CYRIB: variants seen among roughly 807,000 people sequenced by gnomAD.
CYRIB encodes CYFIP-related Rac1 interactor B.
Under a neutral mutation model 44.2 loss-of-function variants are expected in CYRIB, and 8 were observed. That is an observed-to-expected ratio of 0.18 (90% confidence interval 0.11 to 0.33). The LOEUF is 0.33. Ranked by LOEUF, CYRIB falls within the 10% of genes least tolerant of loss-of-function variation. The pLI is 1.00. For missense variants in CYRIB, 185 were observed against 382.8 expected, an observed-to-expected ratio of 0.48 and a Z score of 4.31; for synonymous variants, 131 against 127.2, an observed-to-expected ratio of 1.03 and a Z score of -0.20.
At chr8:129,992,931 G>C (rs147763291) in intron 1 of CYRIB, among the ~76,000 whole-genome samples, 3 of 152,142 alleles carry the variant, frequency 2.0e-5, no homozygotes, top group Admixed American at 6.6e-5. Context: ...AGGAATACAC[G>C]GCAAGAAGGA....
intron 1 of CYRIB, among the ~76,000 whole-genome samples, chr8:129,971,268 T>C (rs2095679837): frequency 6.6e-6 from 1 of 152,186 alleles, no homozygotes; most frequent in African/African-American, 2.4e-5. Flanking sequence ...ATATTTTTTA[T>C]TTTTAGTAGA....
At position 129,897,666 on chromosome 8, in the gene CYRIB, G is replaced by A. The variant is rs114647609; in HGVS notation, c.-11+5646C>T. The stretch of plus-strand genomic sequence containing the variant: ...CTAGGTAGGGAGAGGCATGGTGGGC[G>A]GCTAATGCCTATAATCCCAGCAGTT... On this transcript the variant is annotated intron_variant, in intron 2 of 11. Coordinates refer to ENST00000519824, the Ensembl canonical transcript of CYRIB. Among the ~76,000 whole-genome samples, 1,229 of 151,206 alleles carry A rather than the reference G, an allele frequency of 8.1e-3. 19 individuals are homozygous for A. Among genetic ancestry groups the A allele is most frequent in the African/African-American group, 0.029 (1,184 of 41,170 alleles).
intron 1 of CYRIB, among the ~76,000 whole-genome samples, chr8:129,937,966 C>T (rs559107389): frequency 2.0e-5 from 3 of 152,072 alleles, no homozygotes; most frequent in Non-Finnish European, 4.4e-5. Context: ...GACAAACAGC[C>T]AAGTACCTTT....
At chr8:129,995,391 A>C (rs1165370340) in intron 1 of CYRIB, among the ~76,000 whole-genome samples, 1 of 152,190 alleles carries the variant, frequency 6.6e-6, no homozygotes, top group African/African-American at 2.4e-5. Context: ...AAAACATCTA[A>C]AGTAGTAGCA....
chr8:129,867,594 ATTAT>A (rs944092985), intron 4 of CYRIB, among the ~76,000 whole-genome samples: 12 of 151,692 alleles, frequency 7.9e-5, no homozygotes, highest in Admixed American at 2.6e-4. Context: ...TGTTTAAAAA[ATTAT>A]TTAAAGTAAA....
chr8:130,002,024 C>T (rs946536910), intron 1 of CYRIB, among the ~76,000 whole-genome samples: 1 of 152,184 alleles, frequency 6.6e-6, no homozygotes, highest in Non-Finnish European at 1.5e-5. Context: ...TTTAATCAGG[C>T]CTGTCCGTAT....
At chr8:129,903,404 A>G (rs550994184) in intron 1 of CYRIB, 54 bp from the exon 4 acceptor site, 1 of 152,792 alleles carries the variant, frequency 6.5e-6, no homozygotes, top group African/African-American at 2.4e-5. Flanking sequence ...TATACTTTAA[A>G]ACAAGTTTTT....
intron 4 of CYRIB, chr8:129,864,341 A>G (rs1045276905): frequency 1.3e-5 from 2 of 152,178 alleles, no homozygotes; most frequent in African/African-American, 2.4e-5. Flanking sequence ...GATATAGATG[A>G]AAAAAAATCC....
chr8:129,913,335 C>G (rs1238382166), intron 1 of CYRIB, among the ~76,000 whole-genome samples: 2 of 152,304 alleles, frequency 1.3e-5, no homozygotes, highest in East Asian at 3.9e-4. Flanking sequence ...TCTTTCCCCA[C>G]AGTGTTGTAA....
chr8:129,966,170 T>C (rs2095471504), intron 2 of CYRIB, among the ~76,000 whole-genome samples: 1 of 152,240 alleles, frequency 6.6e-6, no homozygotes, highest in Non-Finnish European at 1.5e-5. Flanking sequence ...CAATTCCTTA[T>C]TGACATACAT....
At chr8:129,908,606 GTATTTAA>G (rs2076586969) in intron 1 of CYRIB, among the ~76,000 whole-genome samples, 1 of 152,022 alleles carries the variant, frequency 6.6e-6, no homozygotes, top group Non-Finnish European at 1.5e-5. Flanking sequence ...ATTACCTTTT[GTATTTAA>G]TATTTAATAT....
At chr8:129,951,280 G>A (rs577665785) in intron 2 of CYRIB, among the ~76,000 whole-genome samples, 178 of 152,094 alleles carry the variant, frequency 1.2e-3, no homozygotes, top group African/African-American at 3.9e-3. Flanking sequence ...CTCCAGTCTG[G>A]GTGACAGAGC....
At chr8:129,893,301 A>G (rs1187219251) in intron 2 of CYRIB, among the ~76,000 whole-genome samples, 1 of 152,252 alleles carries the variant, frequency 6.6e-6, no homozygotes, top group Non-Finnish European at 1.5e-5. Flanking sequence ...GCCAATGGCT[A>G]TGATGAATAC....
chr8:129,996,381 C>A (rs749986745), intron 1 of CYRIB, among the ~76,000 whole-genome samples: 1 of 152,112 alleles, frequency 6.6e-6, no homozygotes, highest in Non-Finnish European at 1.5e-5. Flanking sequence ...GTGAAAGGGA[C>A]TCATCCACCC....
At chr8:130,000,753 G>A (rs796481873) in intron 1 of CYRIB, among the ~76,000 whole-genome samples, 1 of 152,052 alleles carries the variant, frequency 6.6e-6, no homozygotes, top group African/African-American at 2.4e-5. Flanking sequence ...ACAGTGGAGA[G>A]AGCCTGTAGT....
At chr8:129,887,689 C>T (rs2063346750) in intron 2 of CYRIB, among the ~76,000 whole-genome samples, 1 of 152,352 alleles carries the variant, frequency 6.6e-6, no homozygotes, top group Middle Eastern at 3.4e-3. Context: ...CCACCCCTTA[C>T]ATCAGTGTGG....
At chr8:129,925,854 C>A (rs2087359917) in intron 1 of CYRIB, among the ~76,000 whole-genome samples, 3 of 152,198 alleles carry the variant, frequency 2.0e-5, no homozygotes, top group Non-Finnish European at 4.4e-5. Context: ...TACTCCCCAT[C>A]CCTCCAACAA....
chr8:129,859,625 GGCATAACAGAA>G (rs992882298), intron 5 of CYRIB, among the ~76,000 whole-genome samples: 1 of 152,180 alleles, frequency 6.6e-6, no homozygotes, highest in Non-Finnish European at 1.5e-5. Flanking sequence ...GCCCTGCCTG[GGCATAACAGAA>G]GGCTCGCACT....
chr8:129,842,386 C>G (rs553563021), intron 11 of CYRIB, among the ~76,000 whole-genome samples, 181 bp from the exon 14 acceptor site: 29 of 152,334 alleles, frequency 1.9e-4, no homozygotes, highest in African/African-American at 6.7e-4. Context: ...CCCTTTCTAA[C>G]TGAATAGCCA....
Sources: gnomAD v4.1 joint callset for allele counts (sites outside exome capture counted in the v4.1 genomes callset) on GRCh38, gnomAD v4.1.1 for gene constraint, MANE v1.5 for transcripts, NCBI Gene and HGNC (gene_info 2026-07-23, HGNC 2026-07-21) for gene names.